Variants in PKD2L2 observed in about 807,000 individuals in gnomAD.
The protein encoded by PKD2L2 is polycystin 2 like 2, transient receptor potential cation channel, also known as polycystin-2-like protein 2.
In PKD2L2, 67 loss-of-function variants were observed where a neutral mutation model predicts 83.9. The observed-to-expected ratio is 0.80, with a 90% CI of 0.66 to 0.98. The LOEUF (loss-of-function observed/expected upper bound fraction) is 0.98. Ranked by LOEUF, PKD2L2 falls within the 50% of genes least tolerant of loss-of-function variation. The pLI, the probability that PKD2L2 is intolerant of heterozygous loss-of-function variation, is 0.00. For synonymous variants in PKD2L2, 223 were observed against 237.8 expected, an observed-to-expected ratio of 0.94 and a Z score of 0.57; for missense variants, 632 against 717.2, an observed-to-expected ratio of 0.88 and a Z score of 1.36.
At chr5:137,931,511 G>A (rs1002249990) in intron 12 of PKD2L2, among the ~76,000 whole-genome samples, 1 of 152,156 alleles carries the variant, frequency 6.6e-6, no homozygotes, top group Non-Finnish European at 1.5e-5. Context: ...TTTTAGGCAT[G>A]AAAAGATGGT....
chr5:137,906,715 CT>C lies in PKD2L2; in HGVS notation c.975+282del, dbSNP rs370443599. 8.9e-3 allele frequency among the ~76,000 whole-genome samples: 1,358 copies of C among 152,148 alleles called. 11 individuals carry two copies. The highest frequency in any genetic ancestry group is 0.014 in the Non-Finnish European group (961 of 68,000). ...ATGTGCACAGTAGGCCTCCCTACCC[CT>C]ACTTAAAAAATGTATTACTTACAGG... is the stretch of plus-strand genomic sequence containing the variant. On this transcript the variant is annotated intron_variant, in intron 6 of 14. Coordinates refer to ENST00000508883, the MANE Select transcript of PKD2L2 (RefSeq NM_001300921.2).
intron 8 of PKD2L2, among the ~76,000 whole-genome samples, chr5:137,910,718 G>C (rs1440015167): frequency 6.6e-6 from 1 of 151,074 alleles, no homozygotes; most frequent in Non-Finnish European, 1.5e-5. Flanking sequence ...GGCAGAGGTT[G>C]CAGTGAGCCA....
intron 5 of PKD2L2, 31 bp downstream of exon 5, chr5:137,899,768 A>C: frequency 7.7e-7 from 1 of 1,300,740 alleles, no homozygotes; most frequent in Non-Finnish European, 1.1e-6. Flanking sequence ...TTTCATAGAC[A>C]GTGGTCAATG....
chr5:137,916,967 T>G (rs757651895), intron 8 of PKD2L2, among the ~76,000 whole-genome samples: 2 of 152,084 alleles, frequency 1.3e-5, no homozygotes, highest in African/African-American at 4.8e-5. Flanking sequence ...TTTGAGTTCA[T>G]TCTATTGGAG....
intron 5 of PKD2L2, among the ~76,000 whole-genome samples, chr5:137,901,693 C>T (rs907257804): frequency 3.3e-5 from 5 of 152,110 alleles, no homozygotes; most frequent in African/African-American, 1.2e-4. Flanking sequence ...GTTTACTTAT[C>T]CCCAAACACA....
intron 8 of PKD2L2, among the ~76,000 whole-genome samples, chr5:137,909,570 G>C (rs1474128620): frequency 7.5e-6 from 1 of 133,404 alleles, no homozygotes; most frequent in African/African-American, 2.9e-5. Context: ...TTGAGACAGG[G>C]TCTCCACTCT....
intron 6 of PKD2L2, among the ~76,000 whole-genome samples, chr5:137,907,491 C>T (rs757246259): frequency 1.5e-4 from 23 of 152,030 alleles, no homozygotes; most frequent in South Asian, 2.1e-4. Context: ...CGCTTTATGA[C>T]GCAAAGAAAC....
chr5:137,893,589 A>G (rs1756183025), intron 3 of PKD2L2, among the ~76,000 whole-genome samples: 1 of 152,212 alleles, frequency 6.6e-6, no homozygotes, highest in South Asian at 2.1e-4. Context: ...AATATGTTCT[A>G]TAAGTAATTC....
chr5:137,935,535 A>G (rs745699419), intron 12 of PKD2L2, among the ~76,000 whole-genome samples: 20 of 152,234 alleles, frequency 1.3e-4, no homozygotes, highest in Non-Finnish European at 5.9e-5. Flanking sequence ...TAAAGGGAAA[A>G]GGCAGTGAAA....
intron 5 of PKD2L2, among the ~76,000 whole-genome samples, chr5:137,900,233 T>A (rs1430897695): frequency 6.6e-6 from 1 of 152,248 alleles, no homozygotes; most frequent in African/African-American, 2.4e-5. Context: ...TCTAGTGTTA[T>A]GAGTATCCAT....
intron 4 of PKD2L2, among the ~76,000 whole-genome samples, chr5:137,898,445 G>A (rs939414801): frequency 2.6e-5 from 4 of 152,004 alleles, no homozygotes; most frequent in Non-Finnish European, 1.5e-5. Context: ...TGATAGTTTT[G>A]TCCTACTCAA....
At chr5:137,942,140 G>A (rs755322981) in intron 14 of PKD2L2, 151 of 959,294 alleles carry the variant, frequency 1.6e-4, no homozygotes, top group Non-Finnish European at 2.0e-4. Flanking sequence ...AAGTGGCTGG[G>A]GAACTGTTAG....
chr5:137,914,283 T>C (rs1032426532), intron 8 of PKD2L2, among the ~76,000 whole-genome samples: 8 of 152,038 alleles, frequency 5.3e-5, no homozygotes, highest in African/African-American at 1.9e-4. Context: ...GTTCCAAAAT[T>C]CAAAACTTTT....
intron 8 of PKD2L2, among the ~76,000 whole-genome samples, chr5:137,910,231 C>CAAT (rs67797320): frequency 0.15 from 21,080 of 138,682 alleles, 1,668 homozygotes; most frequent in African/African-American, 0.2. Flanking sequence ...ATCTCTAAAA[C>CAAT]AATAATAATA....
chr5:137,931,752 G>A (rs1186255968), intron 12 of PKD2L2, among the ~76,000 whole-genome samples: 1 of 152,132 alleles, frequency 6.6e-6, no homozygotes, highest in Non-Finnish European at 1.5e-5. Context: ...GTGATGTATT[G>A]GAGGGGTAAA....
At chr5:137,903,395 G>A (rs1330721440) in intron 5 of PKD2L2, among the ~76,000 whole-genome samples, 1 of 152,216 alleles carries the variant, frequency 6.6e-6, no homozygotes, top group Non-Finnish European at 1.5e-5. Context: ...GCAAAAAGAT[G>A]TGAAGAACTA....
chr5:137,894,412 G>C lies in PKD2L2; in HGVS notation c.327G>C (p.Gln109His), dbSNP rs1756261325. The change falls in exon 4 of 15, where the codon CAG (glutamine) becomes CAC (histidine). Residue 109 changes from glutamine (Q) to histidine (H), a missense_variant. Physicochemically the swap from Gln to His is conservative, Grantham distance 24 (BLOSUM62 0). Coordinates refer to ENST00000508883, the MANE Select transcript of PKD2L2 (RefSeq NM_001300921.2). ...LYWDSWYNNQQLYNLKNSSRI... is the reference protein window; with the variant it reads ...LYWDSWYNNQHLYNLKNSSRI... ...GGGATTCATGGTACAATAACCAGCA[G>C]CTGTATAATTTAAAGAACAGCAGTC... 2 of 1,612,372 alleles carry C rather than the reference G, an allele frequency of 1.2e-6. No individual in the cohort carries two copies. Among genetic ancestry groups the C allele is most frequent in the African/African-American group, 2.7e-5 (2 of 75,018 alleles).
At chr5:137,922,401 G>C (rs1024044106) in intron 9 of PKD2L2, among the ~76,000 whole-genome samples, 2 of 152,104 alleles carry the variant, frequency 1.3e-5, no homozygotes, top group African/African-American at 2.4e-5. Context: ...TAGTAAGACT[G>C]TAAATTTAAA....
chr5:137,911,187 T>C (rs1757805439), intron 8 of PKD2L2, among the ~76,000 whole-genome samples: 1 of 152,218 alleles, frequency 6.6e-6, no homozygotes, highest in Non-Finnish European at 1.5e-5. Flanking sequence ...TTTTGATTAC[T>C]CTAGGTACCA....
Sources: gnomAD v4.1 joint callset for allele counts (sites outside exome capture counted in the v4.1 genomes callset) on GRCh38, gnomAD v4.1.1 for gene constraint, MANE v1.5 for transcripts, NCBI Gene and HGNC (gene_info 2026-07-23, HGNC 2026-07-21) for gene names.